Variants in ITPR2 observed in about 807,000 individuals in gnomAD.
ITPR2 encodes the protein inositol 1,4,5-trisphosphate receptor type 2.
ITPR2 carries 207 observed loss-of-function variants against 317.1 expected under a neutral mutation model. The ratio of observed to expected loss-of-function variants is 0.65; its 90% CI spans 0.58 to 0.73. The LOEUF is 0.73. Among genes scored for constraint, ITPR2 ranks in the 30% least tolerant of loss-of-function variants. The probability of loss-of-function intolerance (pLI) is 0.00; values close to 1 mark genes in which losing one functional copy is unlikely to be tolerated. For synonymous variants in ITPR2, 1,156 were observed against 1,149.1 expected (o/e 1.01, Z -0.12); for missense variants, 2,613 against 3,284.0 (o/e 0.80, Z 4.99).
In ITPR2 at chr12:26,457,283, C is replaced by T. The variant is rs182654243; in HGVS notation, c.6343-13633G>A. Among the ~76,000 whole-genome samples the T allele has an allele frequency of 1.3e-3, 198 of 152,286 alleles. 1 individual carries two copies. The highest frequency in any genetic ancestry group is 4.5e-3 in the African/African-American group (186 of 41,568). ...GGATTATGAAACAGAAACTTATAGA[C>T]ACAAAGTAGGTTCTTGACTCCAAGG... On this transcript the variant is annotated intron_variant, in intron 45 of 56. Coordinates refer to ENST00000381340, the MANE Select transcript of ITPR2 (RefSeq NM_002223.4).
At chr12:26,703,952 T>A (rs1948502058) in intron 9 of ITPR2, among the ~76,000 whole-genome samples, 1 of 152,200 alleles carries the variant, frequency 6.6e-6, no homozygotes, top group Admixed American at 6.5e-5. Flanking sequence ...AACTGTGAAC[T>A]GTGATAAGCC....
intron 26 of ITPR2, among the ~76,000 whole-genome samples, chr12:26,616,153 T>C (rs1356049481): frequency 2.6e-4 from 39 of 152,114 alleles, no homozygotes; most frequent in Admixed American, 2.6e-3. Context: ...TTTTATTTTA[T>C]TTGAGACAGA....
intron 37 of ITPR2, among the ~76,000 whole-genome samples, chr12:26,549,580 TA>T (rs943053667): frequency 8.6e-5 from 13 of 152,032 alleles, no homozygotes; most frequent in Admixed American, 7.9e-4. Flanking sequence ...GACAGCTAGC[TA>T]AAAAAAATTC....
intron 43 of ITPR2, among the ~76,000 whole-genome samples, chr12:26,479,358 AC>A (rs148094157): frequency 0.026 from 4,027 of 152,128 alleles, 179 homozygotes; most frequent in African/African-American, 0.09. Context: ...TAATTTTTTT[AC>A]ATAGGCTTTG....
intron 55 of ITPR2, among the ~76,000 whole-genome samples, chr12:26,354,408 A>G (rs537924753): frequency 6.6e-6 from 1 of 152,316 alleles, no homozygotes; most frequent in African/African-American, 2.4e-5. Flanking sequence ...AAAATATTTA[A>G]CAAGTGATGA....
At chr12:26,685,603 G>A (rs552489260) in intron 11 of ITPR2, among the ~76,000 whole-genome samples, 1 of 152,058 alleles carries the variant, frequency 6.6e-6, no homozygotes, top group East Asian at 1.9e-4. Context: ...TCTCAAAAAA[G>A]ATAAATAAAT....
chr12:26,725,532 A>G (rs1449596991), intron 3 of ITPR2, 118 bp downstream of exon 3: 1 of 673,620 alleles, frequency 1.5e-6, no homozygotes. Flanking sequence ...GTGTTGCTAT[A>G]TGTATTCTAA....
chr12:26,346,548 A>G (rs1468288721), intron 55 of ITPR2, among the ~76,000 whole-genome samples: 2 of 151,960 alleles, frequency 1.3e-5, no homozygotes, highest in African/African-American at 4.8e-5. Context: ...GCTTGAACCC[A>G]GGAGGTGGAG....
chr12:26,499,372 C>T (rs1441857426), intron 37 of ITPR2, among the ~76,000 whole-genome samples: 1 of 152,188 alleles, frequency 6.6e-6, no homozygotes, highest in Non-Finnish European at 1.5e-5. Flanking sequence ...CAGGGGCTTC[C>T]TATTTTTCTG....
At chr12:26,348,730 T>C (rs1938383531) in intron 55 of ITPR2, among the ~76,000 whole-genome samples, 1 of 152,200 alleles carries the variant, frequency 6.6e-6, no homozygotes, top group South Asian at 2.1e-4. Context: ...GGTGCATGCC[T>C]ATAATCCCAG....
At chr12:26,466,427 G>C (rs1401482553) in intron 45 of ITPR2, among the ~76,000 whole-genome samples, 1 of 152,042 alleles carries the variant, frequency 6.6e-6, no homozygotes, top group African/African-American at 2.4e-5. Flanking sequence ...CAAGGCCTCG[G>C]GTATACTTAG....
rs377117306 is a variant in ITPR2, at chr12:26,780,220, T to A, written c.163+9937A>T. 2.6e-5 allele frequency among the ~76,000 whole-genome samples: 4 copies of A among 152,268 alleles called. No individual in the cohort carries two copies. In the South Asian group the frequency reaches 6.2e-4, roughly 24 times the overall value. On this transcript the variant is annotated intron_variant, in intron 2 of 56. Coordinates refer to ENST00000381340, the MANE Select transcript of ITPR2 (RefSeq NM_002223.4). ...ACTTGACAGCAGCAGAGACCAACAC[T>A]GAGCCTTCGATATGGCACCATTCCT...
chr12:26,451,686 A>T (rs576202558), intron 45 of ITPR2, among the ~76,000 whole-genome samples: 1 of 152,336 alleles, frequency 6.6e-6, no homozygotes, highest in African/African-American at 2.4e-5. Context: ...CCTAATTTCA[A>T]ATGATCTAGA....
At chr12:26,411,989 C>T (rs1230322130) in intron 51 of ITPR2, among the ~76,000 whole-genome samples, 1 of 152,216 alleles carries the variant, frequency 6.6e-6, no homozygotes, top group African/African-American at 2.4e-5. Flanking sequence ...TTCCCTGACA[C>T]AGAATAGAAT....
At chr12:26,617,055 AG>A (rs1469527588) in intron 26 of ITPR2, among the ~76,000 whole-genome samples, 1 of 152,212 alleles carries the variant, frequency 6.6e-6, no homozygotes, top group Non-Finnish European at 1.5e-5. Context: ...AGTCAACAGT[AG>A]GCTATTAGTA....
chr12:26,557,849 C>A (rs1481908196), intron 35 of ITPR2, among the ~76,000 whole-genome samples: 2 of 151,728 alleles, frequency 1.3e-5, no homozygotes, highest in Admixed American at 1.3e-4. Flanking sequence ...TATTTTTAAA[C>A]TACATTAGAA....
At chr12:26,370,655 T>TTTTGTTGTTGTTGTTG (rs560459796) in intron 55 of ITPR2, among the ~76,000 whole-genome samples, 89 of 144,042 alleles carry the variant, frequency 6.2e-4, no homozygotes, top group African/African-American at 2.1e-3. Context: ...ACGAATTTAT[T>TTTTGTTGTTGTTGTTG]TTTGTTGTTG....
intron 13 of ITPR2, among the ~76,000 whole-genome samples, chr12:26,676,639 G>A (rs1352389021): frequency 6.6e-6 from 1 of 151,882 alleles, no homozygotes; most frequent in East Asian, 1.9e-4. Flanking sequence ...ATAAAGGCAG[G>A]AGGAAGACGT....
At chr12:26,523,649 C>A (rs2136944422) in intron 37 of ITPR2, among the ~76,000 whole-genome samples, 1 of 152,164 alleles carries the variant, frequency 6.6e-6, no homozygotes, top group East Asian at 1.9e-4. Context: ...AAACTCAGCT[C>A]TTCAGGGGCA....
Sources: gnomAD v4.1 joint callset for allele counts (sites outside exome capture counted in the v4.1 genomes callset) on GRCh38, gnomAD v4.1.1 for gene constraint, MANE v1.5 for transcripts, NCBI Gene and HGNC (gene_info 2026-07-23, HGNC 2026-07-21) for gene names.